COL14A1: variants seen among roughly 807,000 people sequenced by gnomAD.
COL14A1 encodes collagen alpha-1(XIV) chain.
Under a neutral mutation model 230.3 loss-of-function variants are expected in COL14A1, and 136 were observed. The ratio of observed to expected loss-of-function variants is 0.59; its 90% CI spans 0.51 to 0.68. COL14A1 has a LOEUF of 0.68. COL14A1 is among the 30% of genes least tolerant of loss of function. The probability of loss-of-function intolerance (pLI) is 0.00; values close to 1 mark genes in which losing one functional copy is unlikely to be tolerated. For synonymous variants in COL14A1, 792 were observed against 784.1 expected (o/e 1.01, Z -0.17); for missense variants, 1,976 against 2,215.8 (o/e 0.89, Z 2.17).
At chr8:120,365,401 CA>C (rs1418577173) in intron 45 of COL14A1, among the ~76,000 whole-genome samples, 1 of 152,132 alleles carries the variant, frequency 6.6e-6, no homozygotes, top group East Asian at 1.9e-4. Context: ...CTAGTTCTTT[CA>C]AAATTAGTTG....
chr8:120,324,097 G>A (rs949869666), intron 40 of COL14A1, among the ~76,000 whole-genome samples: 1 of 151,808 alleles, frequency 6.6e-6, no homozygotes, highest in African/African-American at 2.4e-5. Flanking sequence ...GGAGGATGAG[G>A]ATCAAAAAAC....
chr8:120,154,320 CA>C lies in COL14A1; in HGVS notation c.89-3808del, dbSNP rs1388943878. 2.6e-5 allele frequency among the ~76,000 whole-genome samples: 4 copies of C among 152,114 alleles called. No homozygotes were observed. The East Asian group carries it at 5.8e-4, about 22-fold the overall frequency. On this transcript the variant is annotated intron_variant, in intron 2 of 47. Transcript: ENST00000297848. ...TAAATGCTTGATAATAGTGAGGCTT[CA>C]ATGACATGACATAAACATTTCTCTC...
At chr8:120,193,677 C>G (rs1197289794) in intron 5 of COL14A1, among the ~76,000 whole-genome samples, 1 of 152,190 alleles carries the variant, frequency 6.6e-6, no homozygotes, top group Non-Finnish European at 1.5e-5. Context: ...GCAGGCAGGC[C>G]TCCTTGAGCT....
intron 5 of COL14A1, among the ~76,000 whole-genome samples, chr8:120,180,213 A>C (rs1228240593): frequency 6.6e-6 from 1 of 152,226 alleles, no homozygotes; most frequent in African/African-American, 2.4e-5. Flanking sequence ...CTATTCTGTA[A>C]CATATTTTAA....
intron 5 of COL14A1, among the ~76,000 whole-genome samples, chr8:120,173,931 G>T (rs1457376895): frequency 2.0e-5 from 3 of 152,096 alleles, no homozygotes; most frequent in African/African-American, 4.8e-5. Flanking sequence ...TTAGTCTAAG[G>T]TATATCATAT....
Position 120,129,388 on chromosome 8 carries a change from T to C in COL14A1, c.-38+4048T>C, listed in dbSNP as rs986642859. Among the ~76,000 whole-genome samples the C allele has an allele frequency of 1.9e-4, 29 of 152,094 alleles. 1 individual carries two copies. Among genetic ancestry groups the C allele is most frequent in the Non-Finnish European group, 3.2e-4 (22 of 68,012 alleles). ...TCCCATTTCTTTGACAGATGAACTA[T>C]GTCAGTGTTTGAAAAAAATGAAGAG... On this transcript the variant is annotated intron_variant, in intron 1 of 47. Transcript: ENST00000297848.
chr8:120,337,824 G>A (rs934359674), intron 42 of COL14A1, among the ~76,000 whole-genome samples: 1 of 152,100 alleles, frequency 6.6e-6, no homozygotes, highest in Non-Finnish European at 1.5e-5. Context: ...GTTTTACTTT[G>A]TAAAAATCAA....
chr8:120,172,317 A>AT (rs1318310804), intron 5 of COL14A1, among the ~76,000 whole-genome samples: 5 of 151,830 alleles, frequency 3.3e-5, no homozygotes, highest in African/African-American at 1.2e-4. Context: ...TGCCCAGCTA[A>AT]TTTTTGTATT....
chr8:120,198,073 T>A (rs1817103668), intron 7 of COL14A1, 143 bp downstream of exon 7: 1 of 803,632 alleles, frequency 1.2e-6, no homozygotes, highest in African/African-American at 1.7e-5. Flanking sequence ...TTTCCCAAAC[T>A]CAGCATTGAG....
intron 1 of COL14A1, among the ~76,000 whole-genome samples, chr8:120,125,772 G>T (rs889752573): frequency 6.6e-6 from 1 of 152,106 alleles, no homozygotes; most frequent in African/African-American, 2.4e-5. Context: ...TAAAGAACAC[G>T]CTGTTTTTAT....
At chr8:120,241,425 T>G (rs2130845611) in intron 19 of COL14A1, among the ~76,000 whole-genome samples, 1 of 152,208 alleles carries the variant, frequency 6.6e-6, no homozygotes, top group Admixed American at 6.5e-5. Flanking sequence ...TTGGATATGG[T>G]CCAGGTTGCT....
At chr8:120,328,473 C>G (rs1278950060) in intron 40 of COL14A1, among the ~76,000 whole-genome samples, 1 of 150,970 alleles carries the variant, frequency 6.6e-6, no homozygotes, top group Admixed American at 6.6e-5. Flanking sequence ...CTCAAGCGAT[C>G]CTTTTGCCTC....
intron 45 of COL14A1, among the ~76,000 whole-genome samples, chr8:120,354,517 T>C (rs1295106779): frequency 6.6e-6 from 1 of 152,222 alleles, no homozygotes; most frequent in Non-Finnish European, 1.5e-5. Flanking sequence ...GGATTTTCCT[T>C]TCATGTTCGC....
chr8:120,139,555 G>C (rs1159952271), intron 1 of COL14A1, among the ~76,000 whole-genome samples: 1 of 152,176 alleles, frequency 6.6e-6, no homozygotes, highest in Admixed American at 6.5e-5. Context: ...TGTGATAGAA[G>C]AGATAAAGTC....
intron 18 of COL14A1, among the ~76,000 whole-genome samples, chr8:120,229,410 T>C (rs1052033906): frequency 6.6e-6 from 1 of 151,884 alleles, no homozygotes; most frequent in African/African-American, 2.4e-5. Flanking sequence ...TGATTTCCAA[T>C]TTCATCCATG....
At chr8:120,275,005 A>G (rs1167342220) in intron 26 of COL14A1, among the ~76,000 whole-genome samples, 1 of 151,896 alleles carries the variant, frequency 6.6e-6, no homozygotes, top group South Asian at 2.1e-4. Flanking sequence ...TGAAATTCAT[A>G]TGGAACCCAA....
intron 45 of COL14A1, among the ~76,000 whole-genome samples, chr8:120,364,762 A>C (rs1459594585): frequency 1.3e-5 from 2 of 151,546 alleles, no homozygotes; most frequent in African/African-American, 4.8e-5. Context: ...ACACACCTGT[A>C]ATCACAGACA....
intron 40 of COL14A1, among the ~76,000 whole-genome samples, chr8:120,317,390 G>T (rs1160011811): frequency 6.6e-6 from 1 of 152,036 alleles, no homozygotes; most frequent in African/African-American, 2.4e-5. Flanking sequence ...AAATCTCAGT[G>T]TAGTCTCTGT....
At chr8:120,222,112 C>T (rs1586779798) in intron 14 of COL14A1, among the ~76,000 whole-genome samples, 1 of 152,234 alleles carries the variant, frequency 6.6e-6, no homozygotes, top group East Asian at 1.9e-4. Flanking sequence ...GCTGTTTTCC[C>T]CTTGGGCAAG....
Sources: gnomAD v4.1 joint callset for allele counts (sites outside exome capture counted in the v4.1 genomes callset) on GRCh38, gnomAD v4.1.1 for gene constraint, MANE v1.5 for transcripts, NCBI Gene and HGNC (gene_info 2026-07-23, HGNC 2026-07-21) for gene names.